Variants in BRAT1 observed in about 807,000 individuals in gnomAD.
The protein encoded by BRAT1 is BRCA1 associated ATM activator 1.
Under a neutral mutation model 70.6 loss-of-function variants are expected in BRAT1, and 74 were observed. That is an observed-to-expected ratio of 1.05 (90% CI 0.87 to 1.27). The LOEUF (loss-of-function observed/expected upper bound fraction) is 1.27. Among genes scored for constraint, BRAT1 ranks in the 50% most tolerant of loss-of-function variants. BRAT1 has a pLI of 0.00. For synonymous variants in BRAT1, 615 were observed against 517.1 expected (o/e 1.19, Z -2.57); for missense variants, 1,203 against 1,098.2 (o/e 1.10, Z -1.35).
intron 6 of BRAT1, 97 bp from the exon 7 acceptor site, chr7:2,542,308 G>A (rs925026677): frequency 1.9e-6 from 2 of 1,057,800 alleles, no homozygotes; most frequent in Non-Finnish European, 2.8e-6. Flanking sequence ...AATCAGCCAG[G>A]GGGTTGGGAC....
At chr7:2,549,384 G>C (rs1205824316) in intron 2 of BRAT1, among the ~76,000 whole-genome samples, 1 of 152,150 alleles carries the variant, frequency 6.6e-6, no homozygotes, top group Non-Finnish European at 1.5e-5. Context: ...AGCTGAGATG[G>C]GAAGATCACC....
intron 10 of BRAT1, 170 bp downstream of exon 10, chr7:2,540,808 TG>T: frequency 1.6e-6 from 1 of 638,286 alleles, no homozygotes; most frequent in Non-Finnish European, 2.4e-6. Flanking sequence ...CAAGAGGCCC[TG>T]GGCCCGCCCC....
chr7:2,554,416 C>T lies in BRAT1; in HGVS notation c.16G>A (p.Ala6Thr), dbSNP rs1415690501. The T allele has an allele frequency of 5.0e-6, 8 of 1,613,572 alleles. No homozygotes were observed. Among genetic ancestry groups the T allele is most frequent in the Non-Finnish European group, 6.8e-6 (8 of 1,179,800 alleles). ...GCACAGAGAGCCGGGAGCAGCTGGG[C>T]GCATTCTGGGTCCATGGTGAGGCCG... is the stretch of plus-strand genomic sequence containing the variant. MDPEC[A>T]QLLPALCAVL... The change falls in exon 2 of 14, where the codon GCC (alanine) becomes ACC (threonine). Residue 6 changes from alanine to threonine, a missense_variant. Ala to Thr is a moderately conservative substitution (Grantham distance 58, BLOSUM62 0). Transcript: ENST00000340611.
chr7:2,555,466 C>T (rs561362535), intron 1 of BRAT1, 21 bp downstream of exon 1: 1 of 152,458 alleles, frequency 6.6e-6, no homozygotes, highest in South Asian at 2.1e-4. Flanking sequence ...ACCTCGACCC[C>T]CGAAGGCCCA....
At chr7:2,541,620 G>A (rs1462841593) in intron 8 of BRAT1, 98 bp downstream of exon 8, 9 of 1,465,742 alleles carry the variant, frequency 6.1e-6, no homozygotes, top group Non-Finnish European at 8.2e-6. Flanking sequence ...GGATGCAAGG[G>A]TGCTGGGGCA....
chr7:2,543,109 C>A lies in BRAT1; in HGVS notation c.923+95G>T. On this transcript the variant is annotated intron_variant, in intron 6 of 13. Transcript: ENST00000340611. This position sits in a 1 kb window ranked among gnomAD's most constrained non-coding sequence, Gnocchi z 5.5. ...CGGCCGCCTGACTGTCCCTGGTGTC[C>A]GGAACTCCCCTGCCATGAGGGCTGC... is the stretch of plus-strand genomic sequence containing the variant. The A allele has an allele frequency of 7.0e-7, 1 of 1,435,898 alleles. No individual in the cohort carries two copies. Among genetic ancestry groups the A allele is most frequent in the Non-Finnish European group, 9.2e-7 (1 of 1,084,446 alleles). 88.9% of individuals were successfully genotyped at this position (1,435,898 alleles called of 1,614,324 possible).
intron 13 of BRAT1, 172 bp from the exon 14 acceptor site, chr7:2,538,936 T>A: frequency 6.9e-7 from 1 of 1,451,856 alleles, no homozygotes; most frequent in Non-Finnish European, 9.0e-7. Flanking sequence ...CAATCCTCAG[T>A]TTACCCATCT....
intron 4 of BRAT1, chr7:2,544,200 G>GTTGT (rs1430991888): frequency 4.6e-5 from 5 of 108,668 alleles, no homozygotes; most frequent in African/African-American, 2.2e-4. Flanking sequence ...CCTTCTTGTT[G>GTTGT]TTTTTTTTTT....
At chr7:2,541,570 C>T (rs1257270359) in intron 8 of BRAT1, 86 bp from the exon 9 acceptor site, 12 of 1,469,384 alleles carry the variant, frequency 8.2e-6, no homozygotes, top group South Asian at 5.4e-5. Flanking sequence ...GCATGTGGGG[C>T]GGGGGACATC....
chr7:2,538,731 C>T lies in BRAT1; in HGVS notation c.1804G>A (p.Val602Ile), dbSNP rs532881368. 9.8e-5 allele frequency: 156 copies of T among 1,598,404 alleles called. No individual in the cohort carries two copies. The highest frequency in any genetic ancestry group is 5.8e-4 in the South Asian group (53 of 91,082). Residue 602 changes from valine (V) to isoleucine (I), a missense_variant, in exon 14 of 14, where the codon GTA (valine) becomes ATA (isoleucine). Val to Ile is a conservative substitution (Grantham distance 29). Coordinates refer to ENST00000340611, the MANE Select transcript of BRAT1 (RefSeq NM_152743.4). Reference protein sequence around the residue: ...LFLELLHILSVDSEGFPRRAV... With the variant: ...LFLELLHILSIDSEGFPRRAV... ...CGCCGTGGGAAGCCCTCCGAGTCTACGGAGAGGATGTGCAGGAGCTCCAGG... is the reference window on the plus strand; with the variant it reads ...CGCCGTGGGAAGCCCTCCGAGTCTATGGAGAGGATGTGCAGGAGCTCCAGG...
intron 3 of BRAT1, 108 bp downstream of exon 3, chr7:2,547,216 G>A: frequency 7.1e-7 from 1 of 1,412,596 alleles, no homozygotes; most frequent in Non-Finnish European, 9.8e-7. Flanking sequence ...GTCGGGGCAG[G>A]CCGCTGGGAC....
At chr7:2,554,482 CCACTCCAGACCCAGCT>C in intron 1 of BRAT1, 35 bp from the exon 2 acceptor site, 1 of 1,583,482 alleles carries the variant, frequency 6.3e-7, no homozygotes, top group Non-Finnish European at 8.6e-7. Context: ...ACCTCAATGC[CCACTCCAGACCCAGCT>C]CGCTCTAGTC....
At chr7:2,548,831 G>A (rs1779797613) in intron 2 of BRAT1, among the ~76,000 whole-genome samples, 1 of 152,186 alleles carries the variant, frequency 6.6e-6, no homozygotes, top group South Asian at 2.1e-4. Flanking sequence ...CAGGCATGGT[G>A]GCGGGCGCCT....
chr7:2,540,849 G>C (rs1383188264), intron 10 of BRAT1, 130 bp downstream of exon 10: 11 of 992,948 alleles, frequency 1.1e-5, no homozygotes. Context: ...GAAGCTCTCT[G>C]AGCAGCAGCT....
Position 2,537,912 on chromosome 7 carries a change from A to G in BRAT1, c.*157T>C, listed in dbSNP as rs1778805407. The stretch of plus-strand genomic sequence containing the variant: ...AAATAAGTCATTTCTTTAATACATC[A>G]AACTGTGGGATTTCTTGACCTTGCT... On this transcript the variant is annotated 3_prime_UTR_variant, in exon 14 of 14. Coordinates refer to ENST00000340611, the MANE Select transcript of BRAT1 (RefSeq NM_152743.4). 3.2e-6 allele frequency: 4 copies of G among 1,240,848 alleles called. No individual in the cohort carries two copies. Among genetic ancestry groups the G allele is most frequent in the Admixed American group, 7.0e-5 (2 of 28,570 alleles). 76.9% of individuals were successfully genotyped at this position (1,240,848 alleles called of 1,614,324 possible).
intron 2 of BRAT1, among the ~76,000 whole-genome samples, chr7:2,551,259 AT>A (rs1184778254): frequency 2.0e-5 from 3 of 149,918 alleles, no homozygotes; most frequent in East Asian, 3.9e-4. Flanking sequence ...AAAAATCTAT[AT>A]CTATATATAT....
chr7:2,546,768 AAAATT>A (rs1241072703), intron 3 of BRAT1, among the ~76,000 whole-genome samples: 2 of 152,136 alleles, frequency 1.3e-5, no homozygotes, highest in Admixed American at 6.5e-5. Context: ...AAAAATAAAT[AAAATT>A]AATTTTTTAA....
rs1176004707 is a variant in BRAT1 at position 2,537,984 on chromosome 7, G to C, written c.*85C>G. 1 of 1,438,442 alleles carries C rather than the reference G, an allele frequency of 7.0e-7. No individual in the cohort carries two copies. The highest frequency in any genetic ancestry group is 1.4e-5 in the African/African-American group (1 of 70,082). The allele number at this position is 1,438,442 out of a possible 1,614,324, so 89.1% of individuals were successfully genotyped here. A position where few individuals can be genotyped will look rare whatever the true frequency, so the allele number is the denominator to read the frequency against. ...CCAGAGGATCCACCGGGCTGGGCTG[G>C]AGCCCTGGGGCTGGCAGTGTCCCAC... On this transcript the variant is annotated 3_prime_UTR_variant, in exon 14 of 14. Transcript: ENST00000340611.
At chr7:2,551,364 A>C (rs999995242) in intron 2 of BRAT1, among the ~76,000 whole-genome samples, 9 of 151,332 alleles carry the variant, frequency 5.9e-5, no homozygotes, top group Admixed American at 1.3e-4. Flanking sequence ...TGCAAATTAT[A>C]TCTCAATAAA....
Sources: gnomAD v4.1 joint callset for allele counts (sites outside exome capture counted in the v4.1 genomes callset) on GRCh38, gnomAD v4.1.1 for gene constraint, Gnocchi (gnomAD v3.1) non-coding constraint, MANE v1.5 for transcripts, NCBI Gene and HGNC (gene_info 2026-07-23, HGNC 2026-07-21) for gene names.